The following GMDS variants were observed in gnomAD, a reference collection of about 807,000 sequenced individuals.
GMDS encodes GDP-mannose 4,6 dehydratase.
In GMDS, 20 loss-of-function variants were observed where a neutral mutation model predicts 49.9. The observed-to-expected ratio is 0.40, with a 90% confidence interval of 0.28 to 0.58. GMDS has a LOEUF of 0.58. Among genes scored for constraint, GMDS ranks in the 20% least tolerant of loss-of-function variants. The pLI, the probability that GMDS is intolerant of heterozygous loss-of-function variation, is 0.42. For synonymous variants in GMDS, 177 were observed against 178.6 expected, an observed-to-expected ratio of 0.99 and a Z score of 0.07; for missense variants, 362 against 481.4, an observed-to-expected ratio of 0.75 and a Z score of 2.32.
intron 8 of GMDS, among the ~76,000 whole-genome samples, chr6:1,737,213 C>T (rs1004895558): frequency 3.3e-5 from 5 of 152,326 alleles, no homozygotes; most frequent in Middle Eastern, 3.4e-3. Context: ...CTTTCCATGT[C>T]TGAAACATTA....
At chr6:1,915,130 G>C (rs3778553) in intron 7 of GMDS, among the ~76,000 whole-genome samples, 47,181 of 152,108 alleles carry the variant, frequency 0.31, 7,266 homozygotes, top group East Asian at 0.42. Context: ...CACAGAACCA[G>C]TGGTTTTGCT....
At chr6:2,044,831 G>A (rs915655617) in intron 4 of GMDS, among the ~76,000 whole-genome samples, 1 of 152,038 alleles carries the variant, frequency 6.6e-6, no homozygotes, top group Non-Finnish European at 1.5e-5. Flanking sequence ...ATGGTTCCAG[G>A]TAGAATTTTA....
intron 7 of GMDS, among the ~76,000 whole-genome samples, chr6:1,878,155 T>C (rs1046956971): frequency 6.6e-6 from 1 of 151,510 alleles, no homozygotes; most frequent in Non-Finnish European, 1.5e-5. Context: ...CTACTAAAAA[T>C]ACACAAAAAA....
chr6:1,661,607 C>T (rs1198080857), intron 9 of GMDS, among the ~76,000 whole-genome samples: 2 of 152,202 alleles, frequency 1.3e-5, no homozygotes, highest in East Asian at 1.9e-4. Flanking sequence ...CCCCAGCCCT[C>T]GCCATCCCCA....
chr6:2,137,629 C>T (rs530026854), intron 1 of GMDS, among the ~76,000 whole-genome samples: 19 of 152,288 alleles, frequency 1.2e-4, no homozygotes, highest in Admixed American at 2.6e-4. Context: ...CCACCGCGCC[C>T]GGCCCATATT....
intron 6 of GMDS, among the ~76,000 whole-genome samples, chr6:1,938,102 A>G (rs1161096229): frequency 6.6e-6 from 1 of 152,204 alleles, no homozygotes; most frequent in Admixed American, 6.5e-5. Context: ...GGGTAACTAC[A>G]TTCCTTTCGT....
At chr6:1,923,649 C>T (rs1761840075) in intron 7 of GMDS, among the ~76,000 whole-genome samples, 1 of 152,238 alleles carries the variant, frequency 6.6e-6, no homozygotes, top group Non-Finnish European at 1.5e-5. Context: ...TCACGCGCTC[C>T]CTCCTACAAG....
intron 4 of GMDS, among the ~76,000 whole-genome samples, chr6:2,063,464 C>T (rs1296666576): frequency 6.6e-6 from 1 of 152,216 alleles, no homozygotes; most frequent in Non-Finnish European, 1.5e-5. Flanking sequence ...AACACAGTGG[C>T]TGTATTCCTC....
chr6:2,130,540 T>C (rs3800159), intron 1 of GMDS, among the ~76,000 whole-genome samples: 106,490 of 152,080 alleles, frequency 0.7, 37,665 homozygotes, highest in East Asian at 0.82. Context: ...ACCTCAAACC[T>C]ATCAAGAAAA....
chr6:1,803,523 A>G (rs1007584610), intron 7 of GMDS, among the ~76,000 whole-genome samples: 2 of 152,106 alleles, frequency 1.3e-5, no homozygotes, highest in Non-Finnish European at 2.9e-5. Context: ...ATTTATGGCA[A>G]AAGGTGGAGG....
intron 7 of GMDS, among the ~76,000 whole-genome samples, chr6:1,822,284 T>C (rs920289118): frequency 6.6e-5 from 10 of 152,334 alleles, no homozygotes; most frequent in African/African-American, 2.4e-4. Flanking sequence ...AAACCATAGC[T>C]ATATTTTAAA....
chr6:1,860,832 G>A (rs181844920), intron 7 of GMDS, among the ~76,000 whole-genome samples: 12 of 152,292 alleles, frequency 7.9e-5, no homozygotes, highest in Admixed American at 5.2e-4. Flanking sequence ...CCAACTTGCT[G>A]AGTTACATGG....
At chr6:2,056,689 C>A (rs901484982) in intron 4 of GMDS, among the ~76,000 whole-genome samples, 1 of 152,154 alleles carries the variant, frequency 6.6e-6, no homozygotes, top group African/African-American at 2.4e-5. Flanking sequence ...TATGCACATA[C>A]TTTAATGCTC....
chr6:1,698,643 C>T (rs1231550622), intron 9 of GMDS, among the ~76,000 whole-genome samples: 8 of 152,124 alleles, frequency 5.3e-5, no homozygotes, highest in African/African-American at 1.4e-4. Context: ...GAGGTGGAGA[C>T]GCTTCTCAGA....
intron 7 of GMDS, among the ~76,000 whole-genome samples, chr6:1,774,005 A>G (rs1312330311): frequency 6.6e-6 from 1 of 152,240 alleles, no homozygotes; most frequent in Non-Finnish European, 1.5e-5. Flanking sequence ...GAAATGACAA[A>G]CTATTTGAAG....
chr6:1,743,414 G>A lies in GMDS; in HGVS notation c.772-828C>T, dbSNP rs191306583. Among the ~76,000 whole-genome samples, 716 of 150,284 alleles carry A rather than the reference G, an allele frequency of 4.8e-3. 9 individuals are homozygous for A. The highest frequency in any genetic ancestry group is 0.017 in the African/African-American group (681 of 41,080). On this transcript the variant is annotated intron_variant, in intron 7 of 10. Transcript: ENST00000380815. The stretch of plus-strand genomic sequence containing the variant: ...AAAAATTAGCCGGGCGTGGTGGGGG[G>A]CGCCTGTAGTCCCAGCTACTCGGGA...
intron 9 of GMDS, among the ~76,000 whole-genome samples, chr6:1,645,128 G>A (rs559523384): frequency 2.0e-5 from 3 of 151,992 alleles, no homozygotes; most frequent in African/African-American, 2.4e-5. Context: ...TAGAGACGGC[G>A]TTTCACCATG....
intron 2 of GMDS, among the ~76,000 whole-genome samples, chr6:2,121,979 A>T (rs1775161349): frequency 1.3e-5 from 2 of 152,192 alleles, no homozygotes; most frequent in Non-Finnish European, 2.9e-5. Flanking sequence ...AGAACAACTC[A>T]GCCTCAGCAT....
At chr6:1,844,655 TAGCAGTGTCTTCTCTTGTGTTTA>T (rs1379214983) in intron 7 of GMDS, among the ~76,000 whole-genome samples, 5 of 152,224 alleles carry the variant, frequency 3.3e-5, no homozygotes, top group African/African-American at 1.2e-4. Context: ...AACCTGATTT[TAGCAGTGTCTTCTCTTGTGTTTA>T]AAATATTTGG....
Sources: gnomAD v4.1 joint callset for allele counts (sites outside exome capture counted in the v4.1 genomes callset) on GRCh38, gnomAD v4.1.1 for gene constraint, MANE v1.5 for transcripts, NCBI Gene and HGNC (gene_info 2026-07-23, HGNC 2026-07-21) for gene names.